Variants in PIK3C2G observed in about 807,000 individuals in gnomAD.
The protein encoded by PIK3C2G is phosphatidylinositol-4-phosphate 3-kinase catalytic subunit type 2 gamma.
PIK3C2G carries 168 observed loss-of-function variants against 181.1 expected under a neutral mutation model. That is an observed-to-expected ratio of 0.93 (90% CI 0.82 to 1.05). The LOEUF (loss-of-function observed/expected upper bound fraction) is 1.05, where lower values mean the gene tolerates loss of function less well. Among genes scored for constraint, PIK3C2G ranks in the 50% least tolerant of loss-of-function variants. The probability of loss-of-function intolerance (pLI) is 0.00; values close to 1 mark genes in which losing one functional copy is unlikely to be tolerated. For missense variants in PIK3C2G, 1,869 were observed against 1,732.8 expected (o/e 1.08, Z -1.40); for synonymous variants, 573 against 592.2 (o/e 0.97, Z 0.47).
At chr12:18,251,755 C>A (rs1379956426) in intron 1 of PIK3C2G, among the ~76,000 whole-genome samples, 1 of 151,990 alleles carries the variant, frequency 6.6e-6, no homozygotes, top group Non-Finnish European at 1.5e-5. Flanking sequence ...GCTTTTCTAT[C>A]ATCTCAATTT....
chr12:18,538,736 T>G (rs1013750708), intron 25 of PIK3C2G, among the ~76,000 whole-genome samples: 1 of 151,886 alleles, frequency 6.6e-6, no homozygotes, highest in African/African-American at 2.4e-5. Flanking sequence ...ACTCCACCTT[T>G]GATCACTTGC....
intron 24 of PIK3C2G, among the ~76,000 whole-genome samples, chr12:18,531,850 G>C (rs894410855): frequency 1.3e-5 from 2 of 152,130 alleles, no homozygotes; most frequent in African/African-American, 4.8e-5. Flanking sequence ...CAATTCATTT[G>C]TAAGTCTCTG....
chr12:18,656,753 C>G, the PIK3C2G span, among the ~76,000 whole-genome samples: 1 of 50,352 alleles, frequency 2.0e-5, no homozygotes, highest in Admixed American at 2.2e-4. Context: ...GCAACAACAA[C>G]GACAACAACA....
At chr12:18,379,225 G>A (rs1047497499) in intron 13 of PIK3C2G, among the ~76,000 whole-genome samples, 7 of 152,024 alleles carry the variant, frequency 4.6e-5, no homozygotes, top group Non-Finnish European at 8.8e-5. Flanking sequence ...GGACATGGAT[G>A]AAGCTGGAAA....
rs79586774 is a variant in PIK3C2G, at chr12:18,553,466, A to C, written c.3590+7034A>C. Among the ~76,000 whole-genome samples the C allele has an allele frequency of 0.011, 1,624 of 152,188 alleles. 77 individuals carry two copies. The East Asian group carries it at 0.15, about 14-fold the overall frequency. On this transcript the variant is annotated intron_variant, in intron 26 of 32. Transcript: ENST00000538779. ...GGCATCTATCTAAAAAGGTAAAAGA[A>C]TGATCCACTCCCAGCCAAGTCCACA...
At chr12:18,655,040 T>A in the PIK3C2G span, among the ~76,000 whole-genome samples, 2 of 151,742 alleles carry the variant, frequency 1.3e-5, no homozygotes, top group African/African-American at 4.8e-5. Flanking sequence ...CTTAAAAGTA[T>A]ACAGAAACAA....
chr12:18,584,509 G>T (rs949796148), intron 29 of PIK3C2G, among the ~76,000 whole-genome samples: 1 of 152,024 alleles, frequency 6.6e-6, no homozygotes, highest in African/African-American at 2.4e-5. Flanking sequence ...AGAATGAAAA[G>T]AAACGAACAA....
intron 16 of PIK3C2G, among the ~76,000 whole-genome samples, chr12:18,417,470 C>A (rs1023484999): frequency 5.3e-5 from 8 of 152,026 alleles, no homozygotes; most frequent in Admixed American, 4.6e-4. Context: ...AAGAGTCAAT[C>A]GATTCAAGCT....
chr12:18,463,833 AAATG>A (rs1426827415), intron 18 of PIK3C2G, among the ~76,000 whole-genome samples: 1 of 152,122 alleles, frequency 6.6e-6, no homozygotes, highest in Non-Finnish European at 1.5e-5. Flanking sequence ...TATTATCCAT[AAATG>A]AGTTTGTTGA....
the PIK3C2G span, among the ~76,000 whole-genome samples, chr12:18,706,960 C>T: frequency 1.3e-5 from 2 of 152,184 alleles, no homozygotes; most frequent in African/African-American, 4.8e-5. Flanking sequence ...AAGAATCCTC[C>T]TTGCCTCTTC....
chr12:18,660,407 C>T, the PIK3C2G span, among the ~76,000 whole-genome samples: 1 of 152,236 alleles, frequency 6.6e-6, no homozygotes, highest in African/African-American at 2.4e-5. Flanking sequence ...CAAGCCCTTC[C>T]CTCTCCAGCT....
intron 14 of PIK3C2G, among the ~76,000 whole-genome samples, chr12:18,382,404 C>T (rs1942901293): frequency 6.6e-6 from 1 of 152,170 alleles, no homozygotes; most frequent in East Asian, 1.9e-4. Flanking sequence ...TGGTAAATGA[C>T]TTCAGCCTTT....
the PIK3C2G span, among the ~76,000 whole-genome samples, chr12:18,677,228 TTTAAATCCAGAGAGCAAA>T: frequency 6.6e-6 from 1 of 152,080 alleles, no homozygotes; most frequent in African/African-American, 2.4e-5. Context: ...ATGTGAGCAC[TTTAAATCCAGAGAGCAAA>T]ATCTAAACCA....
intron 18 of PIK3C2G, among the ~76,000 whole-genome samples, chr12:18,426,656 C>T (rs1482243803): frequency 6.6e-6 from 1 of 152,054 alleles, no homozygotes. Context: ...ATAGTTAAGA[C>T]CACTAAATAA....
chr12:18,595,103 C>T (rs1336980267), intron 30 of PIK3C2G, among the ~76,000 whole-genome samples: 1 of 151,980 alleles, frequency 6.6e-6, no homozygotes, highest in Non-Finnish European at 1.5e-5. Flanking sequence ...AATCTATTAT[C>T]TTAAAACAAC....
intron 18 of PIK3C2G, among the ~76,000 whole-genome samples, chr12:18,431,917 C>T (rs1946181458): frequency 6.6e-6 from 1 of 152,136 alleles, no homozygotes; most frequent in African/African-American, 2.4e-5. Flanking sequence ...AAACCAAAAG[C>T]AACTGTTCTC....
chr12:18,485,243 A>G (rs1472395269), intron 18 of PIK3C2G, among the ~76,000 whole-genome samples: 2 of 152,172 alleles, frequency 1.3e-5, no homozygotes, highest in African/African-American at 4.8e-5. Context: ...TGGAATATGA[A>G]CTATCTGTAC....
intron 22 of PIK3C2G, among the ~76,000 whole-genome samples, chr12:18,500,475 C>A (rs1427294793): frequency 2.6e-5 from 4 of 152,198 alleles, no homozygotes; most frequent in African/African-American, 9.6e-5. Flanking sequence ...ACGAGCGCGG[C>A]CCCCTGCTCC....
chr12:18,274,753 T>G (rs989711802), intron 1 of PIK3C2G, among the ~76,000 whole-genome samples: 2 of 152,142 alleles, frequency 1.3e-5, no homozygotes, highest in African/African-American at 2.4e-5. Flanking sequence ...TGTATCCATA[T>G]GTAACAAACC....
Sources: allele counts gnomAD v4.1 joint callset (sites outside exome capture counted in the v4.1 genomes callset), GRCh38; gene constraint gnomAD v4.1.1; transcripts MANE v1.5; gene names NCBI Gene and HGNC (gene_info 2026-07-23, HGNC 2026-07-21).